FAM20B: variants seen among roughly 807,000 people sequenced by gnomAD.
FAM20B encodes the protein FAM20B glycosaminoglycan xylosylkinase.
FAM20B carries 23 observed loss-of-function variants against 43.8 expected under a neutral mutation model. The ratio of observed to expected loss-of-function variants is 0.53; its 90% CI spans 0.38 to 0.74. The LOEUF is 0.74. FAM20B is among the 30% of genes least tolerant of loss of function. The probability of loss-of-function intolerance (pLI) is 0.00; values close to 1 mark genes in which losing one functional copy is unlikely to be tolerated. For synonymous variants in FAM20B, 178 were observed against 192.4 expected (o/e 0.93, Z 0.62); for missense variants, 440 against 510.5 (o/e 0.86, Z 1.33).
chr1:179,065,416 T>C lies in FAM20B; in HGVS notation c.938+920T>C, dbSNP rs115429584. ...CCTCTCAAAGTGCTGGGATTACAGGTGTAGTGCCACACTTTTAGTTGCATT... is the reference window on the plus strand; with the variant it reads ...CCTCTCAAAGTGCTGGGATTACAGGCGTAGTGCCACACTTTTAGTTGCATT... On this transcript the variant is annotated intron_variant, in intron 6 of 7. Coordinates refer to ENST00000263733, the MANE Select transcript of FAM20B (RefSeq NM_014864.4). Among the ~76,000 whole-genome samples the C allele has an allele frequency of 8.1e-3, 1,237 of 152,282 alleles. 14 individuals carry two copies. The highest frequency in any genetic ancestry group is 0.028 in the African/African-American group (1,182 of 41,538).
chr1:179,023,109 A>G (rs1043423412), upstream of FAM20B, among the ~76,000 whole-genome samples: 2 of 152,234 alleles, frequency 1.3e-5, no homozygotes, highest in Admixed American at 6.5e-5. Flanking sequence ...AGGTGTCCCT[A>G]TTGAATTCCG....
intron 4 of FAM20B, among the ~76,000 whole-genome samples, chr1:179,063,576 AGAC>A (rs1469162217): frequency 2.0e-5 from 3 of 152,238 alleles, no homozygotes; most frequent in Admixed American, 6.5e-5. Context: ...TGACAAAGCC[AGAC>A]CCTGTCTCAA....
At chr1:179,030,219 TTTTG>T (rs1026086151) in intron 1 of FAM20B, among the ~76,000 whole-genome samples, 6 of 151,974 alleles carry the variant, frequency 3.9e-5, no homozygotes, top group Admixed American at 1.3e-4. Context: ...CCAGGGACGT[TTTTG>T]TTTGTTTGTT....
At chr1:179,049,250 A>G (rs1650900447) in intron 2 of FAM20B, among the ~76,000 whole-genome samples, 1 of 152,200 alleles carries the variant, frequency 6.6e-6, no homozygotes, top group Admixed American at 6.5e-5. Context: ...ATTACCTCCT[A>G]GTCCAGCCCC....
At chr1:179,031,723 T>C (rs777638926) in intron 1 of FAM20B, among the ~76,000 whole-genome samples, 2 of 152,196 alleles carry the variant, frequency 1.3e-5, no homozygotes, top group Non-Finnish European at 2.9e-5. Context: ...TTGGATTATG[T>C]AAGAATTAGA....
upstream of FAM20B, chr1:179,025,825 G>A (rs1380077540): frequency 6.7e-6 from 1 of 148,788 alleles, no homozygotes; most frequent in Non-Finnish European, 1.5e-5. Flanking sequence ...GCGAGCGCTG[G>A]GATTGGCCGT....
chr1:179,053,443 CCAAACAAA>C (rs66615067), intron 3 of FAM20B, among the ~76,000 whole-genome samples: 30 of 150,926 alleles, frequency 2.0e-4, no homozygotes, highest in African/African-American at 2.7e-4. Context: ...AACCAACCAC[CCAAACAAA>C]CAAACAAACA....
intron 4 of FAM20B, among the ~76,000 whole-genome samples, chr1:179,059,009 T>C (rs1317282897): frequency 1.3e-5 from 2 of 152,228 alleles, no homozygotes; most frequent in Non-Finnish European, 2.9e-5. Flanking sequence ...ATAATGAATT[T>C]AATCTTGGAT....
At chr1:179,037,565 A>G (rs1314716736) in intron 1 of FAM20B, among the ~76,000 whole-genome samples, 3 of 139,858 alleles carry the variant, frequency 2.1e-5, no homozygotes, top group Non-Finnish European at 4.5e-5. Context: ...GCTCACTGCA[A>G]CCTCTCCCTC....
At chr1:179,070,323 G>A (rs1651865070) in intron 7 of FAM20B, among the ~76,000 whole-genome samples, 1 of 152,104 alleles carries the variant, frequency 6.6e-6, no homozygotes, top group South Asian at 2.1e-4. Flanking sequence ...TGGGATTACA[G>A]GCATGAGCCA....
At chr1:179,026,534 G>T (rs756136746) in intron 1 of FAM20B, among the ~76,000 whole-genome samples, 5 of 152,152 alleles carry the variant, frequency 3.3e-5, no homozygotes, top group Non-Finnish European at 7.4e-5. Context: ...GCCCGTTGAG[G>T]CAGCCCAGGG....
chr1:179,041,754 A>T (rs1270412425), intron 1 of FAM20B, among the ~76,000 whole-genome samples: 2 of 151,744 alleles, frequency 1.3e-5, no homozygotes, highest in African/African-American at 4.8e-5. Context: ...GGGCAGGGAA[A>T]GGGGAGAGGG....
In FAM20B at chr1:179,029,414, A is replaced by G. The variant is rs184894228; in HGVS notation, c.-134+3316A>G. ...CAGCATGACTGCTCGAGCTGCCTAG[A>G]AGAGAAAATAATGCAAAGATCTCAC... On this transcript the variant is annotated intron_variant, in intron 1 of 7. Coordinates refer to ENST00000263733, the MANE Select transcript of FAM20B (RefSeq NM_014864.4). Among the ~76,000 whole-genome samples the G allele has an allele frequency of 3.1e-3, 469 of 152,342 alleles. 3 individuals carry two copies. The highest frequency in any genetic ancestry group is 0.017 in the Middle Eastern group (5 of 294).
At chr1:179,060,962 C>G (rs981785486) in intron 4 of FAM20B, among the ~76,000 whole-genome samples, 3 of 151,898 alleles carry the variant, frequency 2.0e-5, no homozygotes, top group African/African-American at 7.3e-5. Context: ...TGTTAACTGT[C>G]TTTGCATATC....
chr1:179,049,639 C>T (rs1014926049), intron 2 of FAM20B, among the ~76,000 whole-genome samples: 1 of 152,186 alleles, frequency 6.6e-6, no homozygotes, highest in Non-Finnish European at 1.5e-5. Context: ...CTCCCAGGTT[C>T]AAGCGATTCT....
At chr1:179,040,630 C>T (rs1251888642) in intron 1 of FAM20B, among the ~76,000 whole-genome samples, 1 of 139,246 alleles carries the variant, frequency 7.2e-6, no homozygotes, top group African/African-American at 2.9e-5. Flanking sequence ...AGGCGCCCCT[C>T]ACCTCCCGGA....
At chr1:179,046,509 G>C (rs541907976) in intron 2 of FAM20B, among the ~76,000 whole-genome samples, 1 of 149,420 alleles carries the variant, frequency 6.7e-6, no homozygotes, top group Non-Finnish European at 1.5e-5. Flanking sequence ...AAAATTAGCC[G>C]GGCGTTTTGG....
chr1:179,053,872 G>GTATGATAGAAATTTTTCTATCA (rs1212995045), intron 3 of FAM20B, among the ~76,000 whole-genome samples: 24 of 152,164 alleles, frequency 1.6e-4, no homozygotes, highest in Non-Finnish European at 1.0e-4. Context: ...GTCAGCACCT[G>GTATGATAGAAATTTTTCTATCA]TAATTATTTC....
rs1651957699 is a variant in FAM20B at position 179,072,315 on chromosome 1, C to T, written c.*171C>T. 5.0e-6 allele frequency: 3 copies of T among 599,350 alleles called. No individual in the cohort carries two copies. In the East Asian group the frequency reaches 8.4e-5, roughly 17 times the overall value. 37.1% of individuals were successfully genotyped at this position (599,350 alleles called of 1,614,324 possible). On this transcript the variant is annotated 3_prime_UTR_variant, in exon 8 of 8. Transcript: ENST00000263733. ...CTGTAGTAGAAACTAAAGCAAAGACCACAAGTTTCAGAGCATGGAGACATT... is the reference window on the plus strand; with the variant it reads ...CTGTAGTAGAAACTAAAGCAAAGACTACAAGTTTCAGAGCATGGAGACATT...
Sources: gnomAD v4.1 joint callset for allele counts (sites outside exome capture counted in the v4.1 genomes callset) on GRCh38, gnomAD v4.1.1 for gene constraint, MANE v1.5 for transcripts, NCBI Gene and HGNC (gene_info 2026-07-23, HGNC 2026-07-21) for gene names.